AGTPBP1: variants seen among roughly 807,000 people sequenced by gnomAD.
AGTPBP1 encodes ATP/GTP binding carboxypeptidase 1.
A neutral mutation model predicts 143.9 loss-of-function variants in AGTPBP1; 70 were observed. The ratio of observed to expected loss-of-function variants is 0.49; its 90% CI spans 0.40 to 0.59. The LOEUF is 0.59. AGTPBP1 is among the 20% of genes least tolerant of loss of function. The probability of loss-of-function intolerance (pLI) is 0.00; values close to 1 mark genes in which losing one functional copy is unlikely to be tolerated. For synonymous variants in AGTPBP1, 463 were observed against 500.2 expected, an observed-to-expected ratio of 0.93 and a Z score of 0.99; for missense variants, 1,229 against 1,464.5, an observed-to-expected ratio of 0.84 and a Z score of 2.62.
chr9:85,756,954 TGG>T, the AGTPBP1 span, among the ~76,000 whole-genome samples: 7,661 of 145,384 alleles, frequency 0.053, 318 homozygotes, highest in African/African-American at 0.12. Flanking sequence ...GGTGGGGGAT[TGG>T]GCGGGGGAAA....
chr9:85,762,832 T>A, the AGTPBP1 span, among the ~76,000 whole-genome samples: 1 of 147,520 alleles, frequency 6.8e-6, no homozygotes, highest in African/African-American at 2.5e-5. Context: ...TATATATATA[T>A]AAACTTTATA....
At chr9:85,638,188 AT>A (rs1255547870) in intron 13 of AGTPBP1, among the ~76,000 whole-genome samples, 1 of 152,160 alleles carries the variant, frequency 6.6e-6, no homozygotes, top group Non-Finnish European at 1.5e-5. Context: ...CGAAGTTTCC[AT>A]TTATGGCTGA....
chr9:85,728,025 T>TA (rs1838618428), intron 1 of AGTPBP1, among the ~76,000 whole-genome samples: 2 of 80,356 alleles, frequency 2.5e-5, no homozygotes, highest in Non-Finnish European at 5.1e-5. Context: ...AAATATATAT[T>TA]TATATACACA....
intron 2 of AGTPBP1, among the ~76,000 whole-genome samples, chr9:85,694,086 C>T (rs1266293349): frequency 6.6e-6 from 1 of 152,076 alleles, no homozygotes; most frequent in African/African-American, 2.4e-5. Flanking sequence ...TAGCAGATTG[C>T]TTAGAGGCTT....
chr9:85,677,386 G>C (rs1834895383), intron 6 of AGTPBP1, 50 bp downstream of exon 6: 1 of 1,531,150 alleles, frequency 6.5e-7, no homozygotes, highest in East Asian at 2.4e-5. Context: ...GAGAATCACT[G>C]TTACAAAAAT....
intron 1 of AGTPBP1, among the ~76,000 whole-genome samples, chr9:85,740,363 T>A (rs1433664961): frequency 6.6e-6 from 1 of 152,020 alleles, no homozygotes. Flanking sequence ...TTAAGAGAAG[T>A]GGAATGGGAA....
chr9:85,742,337 C>A (rs963681243), upstream of AGTPBP1, among the ~76,000 whole-genome samples: 2 of 152,132 alleles, frequency 1.3e-5, no homozygotes, highest in Non-Finnish European at 2.9e-5. Flanking sequence ...AGCCTTTTCC[C>A]GGAACTAAGC....
At chr9:85,558,761 G>C (rs1587621962) in intron 25 of AGTPBP1, among the ~76,000 whole-genome samples, 1 of 152,098 alleles carries the variant, frequency 6.6e-6, no homozygotes, top group Non-Finnish European at 1.5e-5. Flanking sequence ...TGGGACTACA[G>C]GCACCTGTCA....
rs758454065 is a variant in AGTPBP1, at chr9:85,669,541, C to T, written c.606G>A (p.Val202=). The stretch of plus-strand genomic sequence containing the variant: ...GTCCAATGATTTTAAACATCAGTTC[C>T]ACAACTCCATTTTTCCCTAAGGATA... ...NSVSLGKNGV[V]ELMFKIIGPF... Residue 202 remains valine, a synonymous_variant, in exon 8 of 26, where the codon GTG becomes GTA. Transcript: ENST00000357081. The T allele has an allele frequency of 6.2e-7, 1 of 1,611,916 alleles. No individual in the cohort carries two copies. Among genetic ancestry groups the T allele is most frequent in the Admixed American group, 1.7e-5 (1 of 59,904 alleles).
intron 3 of AGTPBP1, among the ~76,000 whole-genome samples, chr9:85,687,538 A>C (rs1474037540): frequency 6.6e-6 from 1 of 152,188 alleles, no homozygotes; most frequent in African/African-American, 2.4e-5. Flanking sequence ...CAAAAGAATT[A>C]CATTAGAAAT....
chr9:85,578,443 T>G (rs894907511), intron 24 of AGTPBP1, among the ~76,000 whole-genome samples: 1 of 152,212 alleles, frequency 6.6e-6, no homozygotes, highest in Non-Finnish European at 1.5e-5. Flanking sequence ...AGACCCTGTC[T>G]CTATTTTTAT....
chr9:85,794,399 T>C, the AGTPBP1 span, among the ~76,000 whole-genome samples: 1 of 152,160 alleles, frequency 6.6e-6, no homozygotes, highest in Non-Finnish European at 1.5e-5. Flanking sequence ...GTTGTGTCAA[T>C]ACAATTTGTT....
At chr9:85,683,171 T>G (rs1835294802) in intron 3 of AGTPBP1, among the ~76,000 whole-genome samples, 1 of 152,144 alleles carries the variant, frequency 6.6e-6, no homozygotes, top group Non-Finnish European at 1.5e-5. Context: ...ATATAAAATT[T>G]ACCTAGAACA....
At chr9:85,799,702 G>C in the AGTPBP1 span, among the ~76,000 whole-genome samples, 1 of 152,082 alleles carries the variant, frequency 6.6e-6, no homozygotes, top group African/African-American at 2.4e-5. Context: ...ATTTTTCGTA[G>C]AGGTGGGATC....
At chr9:85,773,833 G>T in the AGTPBP1 span, 1 of 1,554,162 alleles carries the variant, frequency 6.4e-7, no homozygotes, top group Non-Finnish European at 8.9e-7. Flanking sequence ...ATATGTATTT[G>T]TTAGGTGGTG....
chr9:85,557,623 G>T (rs879325685), intron 25 of AGTPBP1, among the ~76,000 whole-genome samples: 10 of 152,018 alleles, frequency 6.6e-5, no homozygotes, highest in Non-Finnish European at 1.3e-4. Context: ...TTAATTAAAT[G>T]GTAAATTATA....
chr9:85,588,397 T>C lies in AGTPBP1; in HGVS notation c.2804A>G (p.Glu935Gly). 6.2e-7 allele frequency: 1 copy of C among 1,613,642 alleles called. No individual in the cohort carries two copies. The highest frequency in any genetic ancestry group is 8.5e-7 in the Non-Finnish European group (1 of 1,179,710). The stretch of plus-strand genomic sequence containing the variant: ...AGTGGGGTTATTGCTCATGAGATAT[T>C]CCAACGTTCCTTTCATAACCCAACT... ...NASWVMKGTL[E>G]YLMSNNPTAQ... The change falls in exon 21 of 26, where the codon GAA (glutamate) becomes GGA (glycine). Residue 935 changes from glutamate to glycine, a missense_variant. By Grantham distance (98) the Glu-to-Gly change is moderately conservative. This residue lies in a region of AGTPBP1 where 486 missense variants were observed against 652.3 expected (regional missense o/e 0.75). Transcript: ENST00000357081.
intron 19 of AGTPBP1, among the ~76,000 whole-genome samples, chr9:85,591,313 T>A (rs1164018978): frequency 1.3e-5 from 2 of 151,910 alleles, no homozygotes; most frequent in Non-Finnish European, 2.9e-5. Flanking sequence ...AGATTAGCTA[T>A]AAAAGAACCC....
At chr9:85,773,097 C>G in the AGTPBP1 span, among the ~76,000 whole-genome samples, 2 of 151,266 alleles carry the variant, frequency 1.3e-5, no homozygotes, top group South Asian at 2.1e-4. Flanking sequence ...AACCCCATCT[C>G]TACTAAAAAT....
Sources: allele counts gnomAD v4.1 joint callset (sites outside exome capture counted in the v4.1 genomes callset), GRCh38; gene constraint gnomAD v4.1.1; regional missense constraint gnomAD v4.1.1; transcripts MANE v1.5; gene names NCBI Gene and HGNC (gene_info 2026-07-23, HGNC 2026-07-21).